Variants in EXOC4 observed in about 807,000 individuals in gnomAD.
EXOC4 encodes the protein SEC8-like 1.
In EXOC4, 71 loss-of-function variants were observed where a neutral mutation model predicts 107.2. That is an observed-to-expected ratio of 0.66 (90% CI 0.55 to 0.81). EXOC4 has a LOEUF of 0.81. EXOC4 is among the 30% of genes least tolerant of loss of function. EXOC4 has a pLI of 0.00. For synonymous variants in EXOC4, 456 were observed against 441.2 expected (o/e 1.03, Z -0.42); for missense variants, 1,108 against 1,189.6 (o/e 0.93, Z 1.01).
chr7:134,094,877 A>T, the EXOC4 span, among the ~76,000 whole-genome samples: 4 of 152,122 alleles, frequency 2.6e-5, no homozygotes, highest in African/African-American at 9.7e-5. Flanking sequence ...GGCAAAAGCT[A>T]AAACCATTTC....
intron 9 of EXOC4, among the ~76,000 whole-genome samples, chr7:133,587,781 G>T (rs145736232): frequency 6.9e-4 from 105 of 152,220 alleles, no homozygotes; most frequent in Admixed American, 1.5e-3. Context: ...TTTTTCCAAA[G>T]AAGTTATCCA....
chr7:133,284,884 C>T (rs1361272761), intron 2 of EXOC4, among the ~76,000 whole-genome samples: 1 of 152,200 alleles, frequency 6.6e-6, no homozygotes, highest in Non-Finnish European at 1.5e-5. Context: ...TGATAAAAGA[C>T]TGGACTCTCC....
At chr7:133,375,043 A>G in intron 7 of EXOC4, 41 bp downstream of exon 7, 1 of 1,545,184 alleles carries the variant, frequency 6.5e-7, no homozygotes. Flanking sequence ...GATTCAGAGT[A>G]ACAGTTTAGA....
chr7:134,071,066 G>A (rs761508359), downstream of EXOC4, among the ~76,000 whole-genome samples: 2 of 152,204 alleles, frequency 1.3e-5, no homozygotes, highest in Non-Finnish European at 2.9e-5. Flanking sequence ...TTGCTACTAC[G>A]TTATTCTAGA....
intron 10 of EXOC4, among the ~76,000 whole-genome samples, chr7:133,704,153 A>G (rs1025493102): frequency 1.3e-5 from 2 of 152,148 alleles, no homozygotes; most frequent in Non-Finnish European, 2.9e-5. Flanking sequence ...AGAACTTGCC[A>G]TGTTGCCCAG....
intron 13 of EXOC4, 63 bp downstream of exon 13, chr7:133,917,801 A>G: frequency 6.8e-7 from 1 of 1,459,924 alleles, no homozygotes. Flanking sequence ...TTTAGCTAAT[A>G]TTTTTTTACA....
chr7:133,699,203 T>C (rs1169222904), intron 10 of EXOC4, among the ~76,000 whole-genome samples: 2 of 152,302 alleles, frequency 1.3e-5, no homozygotes, highest in Admixed American at 6.5e-5. Flanking sequence ...CCTTTTTTGC[T>C]CCTGGAGCAA....
chr7:133,370,857 G>C (rs73148942), intron 6 of EXOC4, among the ~76,000 whole-genome samples: 3 of 152,132 alleles, frequency 2.0e-5, no homozygotes, highest in Non-Finnish European at 4.4e-5. Flanking sequence ...TTCCTAATTC[G>C]ATTTTTCCAG....
chr7:133,651,008 G>C (rs1317030078), intron 10 of EXOC4, among the ~76,000 whole-genome samples: 2 of 139,762 alleles, frequency 1.4e-5, no homozygotes, highest in East Asian at 2.1e-4. Flanking sequence ...AAGCAGGAGG[G>C]AGTTTCCTTG....
chr7:133,412,866 C>T (rs2150748152), intron 7 of EXOC4, among the ~76,000 whole-genome samples: 1 of 152,124 alleles, frequency 6.6e-6, no homozygotes, highest in Middle Eastern at 3.4e-3. Flanking sequence ...AATTACTCTG[C>T]TATCTTTCTC....
At chr7:133,931,973 C>A (rs1322335761) in intron 13 of EXOC4, among the ~76,000 whole-genome samples, 2 of 152,184 alleles carry the variant, frequency 1.3e-5, no homozygotes, top group Non-Finnish European at 2.9e-5. Context: ...CTGTGCTCAG[C>A]CTTAAGAACA....
At chr7:134,075,103 C>G in the EXOC4 span, among the ~76,000 whole-genome samples, 1 of 152,214 alleles carries the variant, frequency 6.6e-6, no homozygotes, top group Non-Finnish European at 1.5e-5. Context: ...GCAAACCTGC[C>G]TAGCAGGAGG....
intron 11 of EXOC4, among the ~76,000 whole-genome samples, chr7:133,823,876 A>ATATATATATATATTT (rs1797615930): frequency 6.1e-5 from 1 of 16,376 alleles, no homozygotes; most frequent in East Asian, 1.3e-3. Flanking sequence ...TATATATTAT[A>ATATATATATATATTT]TATATATATA....
intron 14 of EXOC4, among the ~76,000 whole-genome samples, chr7:133,972,265 C>A (rs151161701): frequency 2.0e-5 from 3 of 152,248 alleles, no homozygotes; most frequent in African/African-American, 7.2e-5. Flanking sequence ...TTCTTTTTCT[C>A]CTTCTTACAT....
chr7:133,630,233 A>G, intron 10 of EXOC4, 92 bp downstream of exon 10: 1 of 927,366 alleles, frequency 1.1e-6, no homozygotes, highest in Non-Finnish European at 1.7e-6. Context: ...TCAGCACTGA[A>G]ACAAGTCATA....
At chr7:133,688,456 T>C (rs1229520874) in intron 10 of EXOC4, among the ~76,000 whole-genome samples, 2 of 152,178 alleles carry the variant, frequency 1.3e-5, no homozygotes, top group Non-Finnish European at 2.9e-5. Context: ...ACTCTAGAAA[T>C]GACAGTATAG....
At chr7:133,811,195 G>C (rs1301210663) in intron 10 of EXOC4, among the ~76,000 whole-genome samples, 1 of 152,088 alleles carries the variant, frequency 6.6e-6, no homozygotes, top group Non-Finnish European at 1.5e-5. Context: ...GAAACCCCTG[G>C]TATAAAAGTA....
At chr7:133,826,432 G>C (rs934139820) in intron 11 of EXOC4, among the ~76,000 whole-genome samples, 2 of 152,134 alleles carry the variant, frequency 1.3e-5, no homozygotes, top group African/African-American at 4.8e-5. Context: ...CATCAGCTCA[G>C]TGACCTTAGA....
chr7:133,436,182 A>G (rs946332244), intron 7 of EXOC4, among the ~76,000 whole-genome samples: 2 of 151,988 alleles, frequency 1.3e-5, no homozygotes, highest in African/African-American at 4.8e-5. Context: ...TAACGATATG[A>G]ACTGTATCAA....
Sources: allele counts gnomAD v4.1 joint callset (sites outside exome capture counted in the v4.1 genomes callset), GRCh38; gene constraint gnomAD v4.1.1; transcripts MANE v1.5; gene names NCBI Gene and HGNC (gene_info 2026-07-23, HGNC 2026-07-21).